The following SORCS2 variants were observed in gnomAD, a reference collection of about 807,000 sequenced individuals.
The protein encoded by SORCS2 is sortilin related VPS10 domain containing receptor 2.
In SORCS2, 100 loss-of-function variants were observed where a neutral mutation model predicts 141.6. The ratio of observed to expected loss-of-function variants is 0.71; its 90% confidence interval spans 0.60 to 0.83. The LOEUF is 0.83. SORCS2 is among the 40% of genes least tolerant of loss of function. SORCS2 has a pLI of 0.00. For synonymous variants in SORCS2, 789 were observed against 676.9 expected, an observed-to-expected ratio of 1.17 and a Z score of -2.57; for missense variants, 1,646 against 1,560.2, an observed-to-expected ratio of 1.05 and a Z score of -0.93.
intron 2 of SORCS2, chr4:7,430,751 C>T (rs1314114970): frequency 6.6e-6 from 1 of 152,330 alleles, no homozygotes; most frequent in Non-Finnish European, 1.5e-5. Context: ...GGGCCAGCTG[C>T]TCTTCTCCTG....
chr4:7,623,056 C>T (rs1719306509), intron 3 of SORCS2, among the ~76,000 whole-genome samples: 1 of 152,008 alleles, frequency 6.6e-6, no homozygotes, highest in Non-Finnish European at 1.5e-5. Context: ...GAAGACGGTG[C>T]TACCTCCCAC....
chr4:7,234,926 C>T (rs933697255), intron 1 of SORCS2, among the ~76,000 whole-genome samples: 2 of 152,208 alleles, frequency 1.3e-5, no homozygotes, highest in Admixed American at 6.5e-5. Context: ...AAGGCCTCGC[C>T]GAGGAGACAG....
chr4:7,372,340 C>G (rs1354345444), intron 1 of SORCS2, among the ~76,000 whole-genome samples: 1 of 152,128 alleles, frequency 6.6e-6, no homozygotes, highest in African/African-American at 2.4e-5. Flanking sequence ...GAGTTTCACT[C>G]TTGTTGCCCA....
At chr4:7,723,149 G>A (rs972928994) in intron 18 of SORCS2, among the ~76,000 whole-genome samples, 16 of 152,104 alleles carry the variant, frequency 1.1e-4, no homozygotes, top group Non-Finnish European at 2.4e-4. Flanking sequence ...GCTCCTCTCT[G>A]CACTCACCCT....
chr4:7,309,687 C>T (rs558941979), intron 1 of SORCS2, among the ~76,000 whole-genome samples: 1 of 152,318 alleles, frequency 6.6e-6, no homozygotes, highest in East Asian at 1.9e-4. Flanking sequence ...GGTTACCATA[C>T]ACCTTCTTTC....
chr4:7,686,740 T>C (rs1344031823), intron 10 of SORCS2, among the ~76,000 whole-genome samples: 1 of 152,256 alleles, frequency 6.6e-6, no homozygotes, highest in Non-Finnish European at 1.5e-5. Flanking sequence ...GGCATTGCCC[T>C]TCTTTTCACC....
At chr4:7,696,509 G>A (rs1369569240) in intron 11 of SORCS2, among the ~76,000 whole-genome samples, 2 of 152,182 alleles carry the variant, frequency 1.3e-5, no homozygotes, top group Non-Finnish European at 2.9e-5. Flanking sequence ...TCTGTAACAT[G>A]AGGTTGGCTT....
chr4:7,329,176 C>T (rs1460276528), intron 1 of SORCS2, among the ~76,000 whole-genome samples: 1 of 152,232 alleles, frequency 6.6e-6, no homozygotes, highest in East Asian at 1.9e-4. Flanking sequence ...GGGCCAGCTT[C>T]CTCCACTCAG....
intron 3 of SORCS2, among the ~76,000 whole-genome samples, chr4:7,625,477 C>T (rs759412218): frequency 6.6e-6 from 1 of 151,906 alleles, no homozygotes; most frequent in Non-Finnish European, 1.5e-5. Flanking sequence ...GCCAGGCACA[C>T]AGTCACCGTC....
intron 1 of SORCS2, among the ~76,000 whole-genome samples, chr4:7,329,955 G>A (rs1272826934): frequency 6.6e-6 from 1 of 152,086 alleles, no homozygotes; most frequent in Non-Finnish European, 1.5e-5. Context: ...CACTTTGAGA[G>A]GTCAGAAGTC....
chr4:7,531,463 C>G, intron 2 of SORCS2, 67 bp from the exon 3 acceptor site: 1 of 1,466,124 alleles, frequency 6.8e-7, no homozygotes, highest in East Asian at 2.4e-5. Flanking sequence ...GGGCTGGACA[C>G]CGTGTGGGCT....
intron 1 of SORCS2, among the ~76,000 whole-genome samples, chr4:7,247,225 T>C (rs6841112): frequency 3.3e-5 from 5 of 152,154 alleles, no homozygotes; most frequent in African/African-American, 1.2e-4. Context: ...TAGGAAGGCT[T>C]CAACCACCCA....
intron 1 of SORCS2, among the ~76,000 whole-genome samples, chr4:7,358,156 G>T (rs1015796294): frequency 1.3e-5 from 2 of 152,236 alleles, no homozygotes; most frequent in African/African-American, 2.4e-5. Flanking sequence ...TAACAGCAGT[G>T]TAATTTCAGA....
chr4:7,724,142 A>ATGGTGGTGGTGGTGGTGATGG (rs1224969126), intron 19 of SORCS2, among the ~76,000 whole-genome samples: 1 of 99,316 alleles, frequency 1.0e-5, no homozygotes, highest in Admixed American at 1.1e-4. Context: ...GGTGGTGGTG[A>ATGGTGGTGGTGGTGGTGATGG]TGGTCGTGGT....
intron 8 of SORCS2, among the ~76,000 whole-genome samples, chr4:7,673,094 G>A (rs188572069): frequency 6.6e-6 from 1 of 152,266 alleles, no homozygotes; most frequent in Admixed American, 6.5e-5. Context: ...TCTCAAAGAA[G>A]ACAGTAAATG....
intron 18 of SORCS2, among the ~76,000 whole-genome samples, chr4:7,720,825 C>T (rs1365916212): frequency 5.9e-5 from 9 of 152,314 alleles, no homozygotes; most frequent in Non-Finnish European, 7.3e-5. Context: ...TTAAAAATAG[C>T]GCCAGCATGA....
intron 11 of SORCS2, among the ~76,000 whole-genome samples, chr4:7,691,249 G>A (rs140650707): frequency 5.9e-5 from 9 of 152,318 alleles, no homozygotes; most frequent in East Asian, 3.9e-4. Context: ...TCACTATATC[G>A]CAGCACCGAG....
At chr4:7,720,330 A>G (rs1434908557) in intron 18 of SORCS2, among the ~76,000 whole-genome samples, 2 of 152,144 alleles carry the variant, frequency 1.3e-5, no homozygotes, top group Non-Finnish European at 2.9e-5. Flanking sequence ...ATAAAAATGA[A>G]CCTCAACCTA....
chr4:7,415,334 A>C (rs1319254750), intron 2 of SORCS2, among the ~76,000 whole-genome samples: 2 of 152,188 alleles, frequency 1.3e-5, no homozygotes, highest in Non-Finnish European at 2.9e-5. Context: ...GAAAGAATCC[A>C]TTCTCTTGCC....
Sources: allele counts gnomAD v4.1 joint callset (sites outside exome capture counted in the v4.1 genomes callset), GRCh38; gene constraint gnomAD v4.1.1; transcripts MANE v1.5; gene names NCBI Gene and HGNC (gene_info 2026-07-23, HGNC 2026-07-21).